The following CTNNA2 variants were observed in gnomAD, a reference collection of about 807,000 sequenced individuals.
The protein encoded by CTNNA2 is catenin alpha 2.
A neutral mutation model predicts 101.0 loss-of-function variants in CTNNA2; 42 were observed. The ratio of observed to expected loss-of-function variants is 0.42; its 90% CI spans 0.32 to 0.54. The LOEUF (loss-of-function observed/expected upper bound fraction) is 0.54. CTNNA2 is among the 20% of genes least tolerant of loss of function. The probability of loss-of-function intolerance (pLI) is 0.14; values close to 1 mark genes in which losing one functional copy is unlikely to be tolerated. For synonymous variants in CTNNA2, 450 were observed against 456.4 expected (o/e 0.99, Z 0.18); for missense variants, 871 against 1,223.1 (o/e 0.71, Z 4.29).
chr2:80,569,272 T>G (rs1176958366), intron 12 of CTNNA2, among the ~76,000 whole-genome samples: 1 of 152,162 alleles, frequency 6.6e-6, no homozygotes, highest in African/African-American at 2.4e-5. Flanking sequence ...TAACTCTGAT[T>G]TCATTACTCC....
intron 2 of CTNNA2, among the ~76,000 whole-genome samples, chr2:79,251,683 A>G (rs1164106018): frequency 2.0e-5 from 3 of 152,122 alleles, no homozygotes; most frequent in African/African-American, 7.2e-5. Flanking sequence ...AGGTCTGCCT[A>G]TAGTCCTACC....
chr2:80,479,587 G>C (rs1004447410), intron 9 of CTNNA2, among the ~76,000 whole-genome samples: 4 of 152,080 alleles, frequency 2.6e-5, no homozygotes, highest in Non-Finnish European at 5.9e-5. Flanking sequence ...ACTTAGCTCT[G>C]CTTATTTTTG....
chr2:80,578,396 T>A (rs1268527474), intron 13 of CTNNA2, among the ~76,000 whole-genome samples: 3 of 152,186 alleles, frequency 2.0e-5, no homozygotes, highest in African/African-American at 4.8e-5. Context: ...CACTATCTAA[T>A]GATAGAAGCG....
At chr2:79,840,157 C>A (rs984387850) in intron 3 of CTNNA2, among the ~76,000 whole-genome samples, 2 of 152,180 alleles carry the variant, frequency 1.3e-5, no homozygotes, top group African/African-American at 4.8e-5. Context: ...GCAATTTTTC[C>A]TGTGACATTT....
At chr2:79,837,465 C>T (rs936141195) in intron 3 of CTNNA2, among the ~76,000 whole-genome samples, 2 of 152,152 alleles carry the variant, frequency 1.3e-5, no homozygotes, top group African/African-American at 4.8e-5. Context: ...CACCTAGGAT[C>T]AATACTTTGT....
At chr2:79,831,759 C>T (rs1377771453) in intron 3 of CTNNA2, among the ~76,000 whole-genome samples, 6 of 145,406 alleles carry the variant, frequency 4.1e-5, no homozygotes, top group Non-Finnish European at 6.0e-5. Context: ...TTTTTTAAAT[C>T]GTTACCAAAG....
rs554152490 is a variant in CTNNA2, at chr2:79,404,778, C to T, written c.-135+30765C>T. Among the ~76,000 whole-genome samples, 28 of 152,092 alleles carry T rather than the reference C, an allele frequency of 1.8e-4. 1 individual carries two copies. In the South Asian group the frequency reaches 5.6e-3, roughly 30 times the overall value. ...CCTTGGGCTCAGTGGAAATGTCAAG[C>T]ATAGAGATGGTACTTTTAGTATTGT... On this transcript the variant is annotated intron_variant, in intron 4 of 21. Transcript: ENST00000466387.
rs1670786765 is a variant in CTNNA2, at chr2:79,454,032, C to A, written c.-134-51022C>A. On this transcript the variant is annotated intron_variant, in intron 4 of 21. Coordinates refer to the CTNNA2 transcript ENST00000466387. Reference sequence around the variant, plus strand: ...CCTCAGTTCTGATGGAAAGAAGTTGCACAGGGGTCTGTCAAGTTACTAGAA... The same window carrying A: ...CCTCAGTTCTGATGGAAAGAAGTTGAACAGGGGTCTGTCAAGTTACTAGAA... Among the ~76,000 whole-genome samples the A allele has an allele frequency of 3.3e-5, 5 of 152,148 alleles. No individual in the cohort carries two copies. In the South Asian group the frequency reaches 1.0e-3, roughly 32 times the overall value.
At chr2:79,187,792 G>A (rs1673800501) in intron 1 of CTNNA2, among the ~76,000 whole-genome samples, 1 of 152,140 alleles carries the variant, frequency 6.6e-6, no homozygotes, top group Non-Finnish European at 1.5e-5. Flanking sequence ...AAAGACTTTT[G>A]TGACTGGTTA....
chr2:80,268,425 T>C (rs796210811), intron 7 of CTNNA2, among the ~76,000 whole-genome samples: 2 of 152,342 alleles, frequency 1.3e-5, no homozygotes, highest in African/African-American at 2.4e-5. Flanking sequence ...AGTTAAATGA[T>C]TGCCCAAGTT....
chr2:79,420,602 A>C (rs1302785554), intron 4 of CTNNA2, among the ~76,000 whole-genome samples: 1 of 152,166 alleles, frequency 6.6e-6, no homozygotes, highest in Admixed American at 6.5e-5. Context: ...ATCAATTATT[A>C]GATATTAAAC....
chr2:80,142,849 T>C (rs1431096231), intron 7 of CTNNA2, among the ~76,000 whole-genome samples: 1 of 151,748 alleles, frequency 6.6e-6, no homozygotes, highest in African/African-American at 2.4e-5. Flanking sequence ...TGGACAACCT[T>C]GTATGGAGTA....
At chr2:79,408,774 C>G (rs1306478149) in intron 4 of CTNNA2, among the ~76,000 whole-genome samples, 4 of 151,986 alleles carry the variant, frequency 2.6e-5, no homozygotes, top group Admixed American at 6.6e-5. Flanking sequence ...GTGCATGTGT[C>G]TTTATAGCAG....
At chr2:80,301,579 G>C (rs1676312102) in intron 7 of CTNNA2, among the ~76,000 whole-genome samples, 1 of 152,232 alleles carries the variant, frequency 6.6e-6, no homozygotes, top group African/African-American at 2.4e-5. Flanking sequence ...CCAGTCCTCA[G>C]TCCACCTCTC....
chr2:79,456,645 C>T (rs1216610409), intron 4 of CTNNA2, among the ~76,000 whole-genome samples: 5 of 152,186 alleles, frequency 3.3e-5, no homozygotes, highest in Admixed American at 1.3e-4. Context: ...CATGGACCCA[C>T]TATTATCCCA....
At chr2:80,634,608 T>C (rs542754876) in intron 18 of CTNNA2, among the ~76,000 whole-genome samples, 1 of 152,162 alleles carries the variant, frequency 6.6e-6, no homozygotes, top group African/African-American at 2.4e-5. Flanking sequence ...ATTGAGTTCA[T>C]GTAACAGGAT....
chr2:79,901,829 A>G (rs1558626120), intron 6 of CTNNA2, among the ~76,000 whole-genome samples: 1 of 152,210 alleles, frequency 6.6e-6, no homozygotes, highest in Non-Finnish European at 1.5e-5. Flanking sequence ...CTACTGACTT[A>G]ACTGTAATTA....
intron 7 of CTNNA2, among the ~76,000 whole-genome samples, chr2:80,076,484 T>C (rs1439423286): frequency 6.6e-6 from 1 of 151,964 alleles, no homozygotes; most frequent in Non-Finnish European, 1.5e-5. Flanking sequence ...GATCTCACTA[T>C]GTTGCCCAGG....
intron 3 of CTNNA2, among the ~76,000 whole-genome samples, chr2:79,368,374 T>C (rs1677795934): frequency 6.6e-6 from 1 of 152,232 alleles, no homozygotes; most frequent in Non-Finnish European, 1.5e-5. Flanking sequence ...CTAAATTTCA[T>C]GGTTCTCCCA....
Sources: allele counts gnomAD v4.1 joint callset (sites outside exome capture counted in the v4.1 genomes callset), GRCh38; gene constraint gnomAD v4.1.1; transcripts MANE v1.5; gene names NCBI Gene and HGNC (gene_info 2026-07-23, HGNC 2026-07-21).